Variants in TTC39B observed in about 807,000 individuals in gnomAD.
The protein encoded by TTC39B is tetratricopeptide repeat protein 39B.
TTC39B carries 92 observed loss-of-function variants against 96.6 expected under a neutral mutation model. The ratio of observed to expected loss-of-function variants is 0.95; its 90% CI spans 0.80 to 1.13. The LOEUF is 1.13. TTC39B is among the 50% of genes most tolerant of loss of function. The probability of loss-of-function intolerance (pLI) is 0.00; values close to 1 mark genes in which losing one functional copy is unlikely to be tolerated. For missense variants in TTC39B, 955 were observed against 809.3 expected (o/e 1.18, Z -2.18); for synonymous variants, 367 against 299.4 (o/e 1.23, Z -2.33).
At chr9:15,173,280 C>G (rs1817756915) in intron 19 of TTC39B, among the ~76,000 whole-genome samples, 2 of 152,130 alleles carry the variant, frequency 1.3e-5, no homozygotes, top group Admixed American at 1.3e-4. Context: ...ACTTTAAAAG[C>G]AACTTGCTCT....
intron 2 of TTC39B, among the ~76,000 whole-genome samples, chr9:15,246,889 G>A (rs879098803): frequency 3.3e-5 from 5 of 152,252 alleles, no homozygotes; most frequent in Admixed American, 3.3e-4. Flanking sequence ...AGATTCATAA[G>A]CAAATAAATG....
At chr9:15,298,518 G>C (rs1013601075) in intron 1 of TTC39B, among the ~76,000 whole-genome samples, 1 of 152,212 alleles carries the variant, frequency 6.6e-6, no homozygotes, top group African/African-American at 2.4e-5. Context: ...GCAGGCAAGA[G>C]AGTGTGTGCG....
At chr9:15,223,574 A>G (rs1200139519) in intron 3 of TTC39B, among the ~76,000 whole-genome samples, 1 of 152,200 alleles carries the variant, frequency 6.6e-6, no homozygotes, top group Non-Finnish European at 1.5e-5. Flanking sequence ...CTAACTCCAT[A>G]AGAGCCACAC....
Position 15,306,952 on chromosome 9 carries a change from C to A in TTC39B, c.240+132G>T. The A allele has an allele frequency of 7.3e-7, 1 of 1,363,438 alleles. No homozygotes were observed. The highest frequency in any genetic ancestry group is 9.8e-7 in the Non-Finnish European group (1 of 1,016,570). 84.5% of individuals were successfully genotyped at this position (1,363,438 alleles called of 1,614,324 possible). A position where few individuals can be genotyped will look rare whatever the true frequency, so the allele number is the denominator to read the frequency against. On this transcript the variant is annotated intron_variant, in intron 1 of 19. Transcript: ENST00000512701. The surrounding 1 kb of genome is among the most constrained non-coding windows in gnomAD (Gnocchi z 5.1). ...ACCAAGGCCGGGCGCCCCCACCCGG[C>A]GCCCGCCAGCCCACCCCAGAGAGGG...
At chr9:15,226,558 T>C (rs1586914105) in intron 2 of TTC39B, among the ~76,000 whole-genome samples, 2 of 152,226 alleles carry the variant, frequency 1.3e-5, no homozygotes, top group East Asian at 3.8e-4. Context: ...TACAAACTAC[T>C]GTTAATAAGC....
intron 2 of TTC39B, among the ~76,000 whole-genome samples, chr9:15,235,387 A>G (rs1821729934): frequency 6.6e-6 from 1 of 152,206 alleles, no homozygotes; most frequent in Admixed American, 6.5e-5. Context: ...CCTGGAAAAT[A>G]TATTTGAGGG....
At chr9:15,191,246 G>C (rs572957227) in exon 10 of TTC39B, 3 of 1,609,658 alleles carry the variant, frequency 1.9e-6, no homozygotes, top group Non-Finnish European at 2.5e-6. Context: ...GCTGGTAAAA[G>C]GGACAGCATC....
exon 20 of TTC39B, chr9:15,165,962 A>G (rs1817510793): frequency 6.6e-6 from 1 of 152,226 alleles, no homozygotes; most frequent in Non-Finnish European, 1.5e-5. Flanking sequence ...GTTTTTGGCT[A>G]CAAGTCTGCT....
chr9:15,248,913 G>A (rs986803067), intron 2 of TTC39B: 4 of 152,132 alleles, frequency 2.6e-5, no homozygotes, highest in Non-Finnish European at 4.4e-5. Flanking sequence ...CTACAACGAT[G>A]ACTGTTACCA....
Position 15,182,291 on chromosome 9 carries a change from T to C in TTC39B, c.1723+16A>G. 6.5e-7 allele frequency: 1 copy of C among 1,550,326 alleles called. No individual in the cohort carries two copies. Among genetic ancestry groups the C allele is most frequent in the Non-Finnish European group, 8.8e-7 (1 of 1,132,208 alleles). On this transcript the variant is annotated intron_variant, in intron 17 of 19. Coordinates refer to ENST00000512701, the Ensembl canonical transcript of TTC39B. ...GCAGAGACAAAGGCTCCTCGGTGCT[T>C]ACTGTGTATACTTACTTTGACTTTG...
At chr9:15,194,474 T>C (rs1819038397) in intron 8 of TTC39B, among the ~76,000 whole-genome samples, 1 of 152,196 alleles carries the variant, frequency 6.6e-6, no homozygotes. Flanking sequence ...AGTCCATGTG[T>C]GTGCACACAC....
In TTC39B at chr9:15,190,627, TG is replaced by T; in HGVS notation, c.1031del (p.Ser344Ter). 1 of 1,614,208 alleles carries T rather than the reference TG, an allele frequency of 6.2e-7. No individual in the cohort carries two copies. The highest frequency in any genetic ancestry group is 1.1e-5 in the South Asian group (1 of 91,080). On this transcript the variant is annotated frameshift_variant, in exon 11 of 20. Transcript: ENST00000512701. LOFTEE classifies it high-confidence loss of function. ...ACAGTGCAGACCTCATGCTCCTTCC[TG>T]AAGCACCTTCACGTAACTGCAGGAG...
intron 6 of TTC39B, among the ~76,000 whole-genome samples, chr9:15,208,276 G>A (rs1819991755): frequency 1.3e-5 from 2 of 151,812 alleles, no homozygotes; most frequent in Non-Finnish European, 2.9e-5. Flanking sequence ...ACCCGCCTCG[G>A]CCTCCCAAAG....
chr9:15,279,290 T>C (rs959347133), intron 1 of TTC39B, among the ~76,000 whole-genome samples: 2 of 152,222 alleles, frequency 1.3e-5, no homozygotes, highest in Non-Finnish European at 2.9e-5. Context: ...CCTTTACTTG[T>C]AGCTCTGCTC....
chr9:15,271,529 A>C (rs115387464), intron 1 of TTC39B, among the ~76,000 whole-genome samples: 5,126 of 152,188 alleles, frequency 0.034, 285 homozygotes, highest in African/African-American at 0.12. Context: ...AACCTAGATC[A>C]CTTGCATGCA....
intron 2 of TTC39B, among the ~76,000 whole-genome samples, chr9:15,256,063 C>A (rs1822739784): frequency 6.6e-6 from 1 of 152,196 alleles, no homozygotes. Flanking sequence ...AACCTAACCC[C>A]CAAAGTGATG....
At chr9:15,211,659 C>T (rs1157523768) in intron 4 of TTC39B, among the ~76,000 whole-genome samples, 4 of 152,188 alleles carry the variant, frequency 2.6e-5, no homozygotes, top group Non-Finnish European at 5.9e-5. Context: ...AGAGGGCAGC[C>T]TGCAGGCAGA....
chr9:15,198,367 G>C (rs1200341719), intron 8 of TTC39B, among the ~76,000 whole-genome samples: 1 of 151,662 alleles, frequency 6.6e-6, no homozygotes, highest in Non-Finnish European at 1.5e-5. Flanking sequence ...TGAGTCAGGA[G>C]AGTTGCTTGA....
intron 3 of TTC39B, among the ~76,000 whole-genome samples, chr9:15,223,091 C>G (rs1820934882): frequency 6.6e-6 from 1 of 152,166 alleles, no homozygotes; most frequent in African/African-American, 2.4e-5. Context: ...TAAAGTTTGT[C>G]ACTGGTGCCC....
Sources: gnomAD v4.1 joint callset for allele counts (sites outside exome capture counted in the v4.1 genomes callset) on GRCh38, gnomAD v4.1.1 for gene constraint, Gnocchi (gnomAD v3.1) non-coding constraint, MANE v1.5 for transcripts, NCBI Gene and HGNC (gene_info 2026-07-23, HGNC 2026-07-21) for gene names.